The following IRAG2 variants were observed in gnomAD, a reference collection of about 807,000 sequenced individuals.
IRAG2 encodes lymphoid restricted membrane protein.
Under a neutral mutation model 69.9 loss-of-function variants are expected in IRAG2, and 45 were observed. The observed-to-expected ratio is 0.64, with a 90% CI of 0.51 to 0.83. The LOEUF (loss-of-function observed/expected upper bound fraction) is 0.83. Among genes scored for constraint, IRAG2 ranks in the 40% least tolerant of loss-of-function variants. IRAG2 has a pLI of 0.00. For missense variants in IRAG2, 520 were observed against 587.0 expected, an observed-to-expected ratio of 0.89 and a Z score of 1.18; for synonymous variants, 193 against 202.4, an observed-to-expected ratio of 0.95 and a Z score of 0.40.
chr12:25,088,012 T>C (rs374845136), intron 10 of IRAG2, 88 bp from the exon 11 acceptor site: 5 of 941,226 alleles, frequency 5.3e-6, no homozygotes, highest in African/African-American at 4.9e-5. Context: ...TTTGTCAGAG[T>C]AGGCTTAGGA....
intron 15 of IRAG2, among the ~76,000 whole-genome samples, chr12:25,099,730 G>A (rs886366463): frequency 1.6e-4 from 24 of 152,026 alleles, no homozygotes; most frequent in African/African-American, 5.8e-4. Flanking sequence ...GGCCGGGCGC[G>A]GTGACTCACG....
chr12:25,031,186 A>G (rs1412494725), intron 10 of IRAG2: 1 of 456,528 alleles, frequency 2.2e-6, no homozygotes, highest in Non-Finnish European at 2.9e-6. Flanking sequence ...GTGGACTTTG[A>G]CTGGGATACT....
chr12:25,005,060 T>C, intron 1 of IRAG2: 1 of 610,670 alleles, frequency 1.6e-6, no homozygotes. Context: ...ACTATGTTTG[T>C]TTCCAGAACA....
chr12:25,030,013 C>T (rs1177177817), intron 9 of IRAG2, among the ~76,000 whole-genome samples: 2 of 152,158 alleles, frequency 1.3e-5, no homozygotes, highest in Non-Finnish European at 2.9e-5. Flanking sequence ...GAGCTGTAGA[C>T]TTGCATTCCA....
At chr12:25,035,780 A>G (rs1591933270) in exon 14 of IRAG2, 1 of 399,030 alleles carries the variant, frequency 2.5e-6, no homozygotes. Flanking sequence ...GCCACGCTTC[A>G]GAAGCTGGTA....
chr12:25,055,478 CTTATG>C (rs1225139553), intron 1 of IRAG2, among the ~76,000 whole-genome samples: 1 of 151,988 alleles, frequency 6.6e-6, no homozygotes, highest in Non-Finnish European at 1.5e-5. Flanking sequence ...TTTTATTATA[CTTATG>C]TTCTAGGGTA....
intron 3 of IRAG2, among the ~76,000 whole-genome samples, chr12:25,012,877 G>A (rs765362072): frequency 8.5e-5 from 13 of 152,186 alleles, no homozygotes; most frequent in Non-Finnish European, 1.5e-4. Flanking sequence ...CAGATTTCTG[G>A]TAGGATTAGG....
intron 15 of IRAG2, among the ~76,000 whole-genome samples, chr12:25,036,967 T>C (rs1173768358): frequency 6.6e-6 from 1 of 152,232 alleles, no homozygotes; most frequent in Non-Finnish European, 1.5e-5. Context: ...AAGAATTGGC[T>C]AGTCTAAATT....
At chr12:25,039,923 G>A (rs1245357273) in intron 16 of IRAG2, among the ~76,000 whole-genome samples, 1 of 152,206 alleles carries the variant, frequency 6.6e-6, no homozygotes, top group African/African-American at 2.4e-5. Flanking sequence ...TATATCCAGA[G>A]AGGTTGCATA....
At chr12:25,019,956 TTGTC>T (rs1444253242) in intron 6 of IRAG2, among the ~76,000 whole-genome samples, 1 of 152,236 alleles carries the variant, frequency 6.6e-6, no homozygotes, top group Non-Finnish European at 1.5e-5. Flanking sequence ...GTCAGTATGA[TTGTC>T]TGTTTACCCC....
At chr12:25,020,784 C>A (rs1206779025) in intron 6 of IRAG2, 3 of 1,221,292 alleles carry the variant, frequency 2.5e-6, no homozygotes, top group Non-Finnish European at 3.1e-6. Flanking sequence ...CCCCCCACCC[C>A]CACAGTGCCC....
At chr12:25,066,098 A>G (rs1413392695) in intron 4 of IRAG2, among the ~76,000 whole-genome samples, 1 of 152,042 alleles carries the variant, frequency 6.6e-6, no homozygotes, top group Non-Finnish European at 1.5e-5. Context: ...AACTTTTTTG[A>G]AATTATTATT....
intron 9 of IRAG2, among the ~76,000 whole-genome samples, chr12:25,029,227 C>A (rs955944511): frequency 1.8e-4 from 27 of 152,316 alleles, no homozygotes; most frequent in African/African-American, 6.3e-4. Flanking sequence ...CCACCATGCC[C>A]AGCCTTCTTA....
chr12:25,067,220 C>T (rs929339852), intron 5 of IRAG2, among the ~76,000 whole-genome samples: 7 of 152,166 alleles, frequency 4.6e-5, no homozygotes, highest in African/African-American at 1.7e-4. Context: ...TTTAAGTACA[C>T]AGACTAATCT....
chr12:25,019,008 C>T (rs533642281), intron 6 of IRAG2, among the ~76,000 whole-genome samples: 4 of 152,260 alleles, frequency 2.6e-5, no homozygotes, highest in East Asian at 1.9e-4. Flanking sequence ...TTGACTGCCT[C>T]GTGGGACTTG....
At chr12:25,095,578 TTATC>T (rs1203687454) in intron 14 of IRAG2, among the ~76,000 whole-genome samples, 5 of 152,186 alleles carry the variant, frequency 3.3e-5, no homozygotes, top group African/African-American at 1.2e-4. Context: ...ACATTAATAT[TTATC>T]AGAGATATTG....
At position 25,023,958 on chromosome 12, in the gene IRAG2, A is replaced by T. The variant is rs78742791; in HGVS notation, c.1383+37A>T. On this transcript the variant is annotated intron_variant, in intron 8 of 38. Coordinates refer to the IRAG2 transcript ENST00000636465. ...TCGTTAAACACTGGCATAGACAAAC[A>T]TGCAAATCATATCATCGTGGTTTAT... The T allele has an allele frequency of 2.6e-3, 2,871 of 1,094,898 alleles. 54 individuals are homozygous for T. The African/African-American group carries it at 0.039, about 15-fold the overall frequency. The allele number at this position is 1,094,898 out of a possible 1,614,324, so 67.8% of individuals were successfully genotyped here.
intron 6 of IRAG2, among the ~76,000 whole-genome samples, 167 bp from the exon 7 acceptor site, chr12:25,079,077 T>A (rs1479245944): frequency 6.6e-6 from 1 of 152,180 alleles, no homozygotes; most frequent in African/African-American, 2.4e-5. Context: ...TTTGAGGAAG[T>A]GTGTATATCC....
Position 25,087,202 on chromosome 12 carries a change from C to T in IRAG2, c.316-898C>T, listed in dbSNP as rs575847822. ...TTTTTTGTTGAGACAGAGCCTTGCA[C>T]TGCTGCCTAGCTTGGAGTGCAGTGG... On this transcript the variant is annotated intron_variant, in intron 10 of 21. Transcript: ENST00000556887. Among the ~76,000 whole-genome samples the T allele has an allele frequency of 5.0e-5, 6 of 120,828 alleles. No individual in the cohort carries two copies. In the East Asian group the frequency reaches 1.1e-3, roughly 22 times the overall value. The allele number at this position is 120,828 out of a possible 152,430, so 79.3% of individuals were successfully genotyped here. A position where few individuals can be genotyped will look rare whatever the true frequency, so the allele number is the denominator to read the frequency against.
Sources: gnomAD v4.1 joint callset for allele counts (sites outside exome capture counted in the v4.1 genomes callset) on GRCh38, gnomAD v4.1.1 for gene constraint, MANE v1.5 for transcripts, NCBI Gene and HGNC (gene_info 2026-07-23, HGNC 2026-07-21) for gene names.